The following ESR2 variants were observed in gnomAD, a reference collection of about 807,000 sequenced individuals.
The protein encoded by ESR2 is estrogen receptor beta.
In ESR2, 36 loss-of-function variants were observed where a neutral mutation model predicts 49.6. The ratio of observed to expected loss-of-function variants is 0.73; its 90% CI spans 0.56 to 0.96. The LOEUF (loss-of-function observed/expected upper bound fraction) is 0.96. ESR2 is among the 40% of genes least tolerant of loss of function. The pLI, the probability that ESR2 is intolerant of heterozygous loss-of-function variation, is 0.00. For synonymous variants in ESR2, 320 were observed against 266.1 expected, an observed-to-expected ratio of 1.20 and a Z score of -1.97; for missense variants, 714 against 693.0, an observed-to-expected ratio of 1.03 and a Z score of -0.34.
rs551895531 is a variant in ESR2 at position 64,240,871 on chromosome 14, G to A, written c.1226-5721C>T. ...TTAAGATAGGCTAGGCTGGCCGGGC[G>A]CGGTGGCTCACGCTTGTAATCCCAG... On this transcript the variant is annotated intron_variant, in intron 7 of 8. Coordinates refer to ENST00000341099, the MANE Select transcript of ESR2 (RefSeq NM_001437.3). Among the ~76,000 whole-genome samples the A allele has an allele frequency of 2.1e-4, 32 of 152,110 alleles. No homozygotes were observed. The East Asian group carries it at 2.9e-3, about 14-fold the overall frequency.
At chr14:64,288,816 G>A (rs888189191) in intron 1 of ESR2, among the ~76,000 whole-genome samples, 3 of 151,340 alleles carry the variant, frequency 2.0e-5, no homozygotes, top group African/African-American at 4.9e-5. Flanking sequence ...GAGAAACCCA[G>A]TCTCTACTAA....
chr14:64,296,043 CAAAA>C (rs34335763), upstream of ESR2, among the ~76,000 whole-genome samples: 17,000 of 88,706 alleles, frequency 0.19, 1,050 homozygotes, highest in Middle Eastern at 0.31. Flanking sequence ...GACTCTGTCT[CAAAA>C]AAAAAAAAAA....
intron 1 of ESR2, among the ~76,000 whole-genome samples, chr14:64,293,396 C>G (rs1226602609): frequency 1.3e-5 from 2 of 152,224 alleles, no homozygotes; most frequent in Non-Finnish European, 2.9e-5. Context: ...GCTTTTTAAA[C>G]AGCGAGTAAA....
At chr14:64,227,546 G>A (rs141329819), downstream of ESR2, 25 of 1,614,064 alleles carry the variant, frequency 1.5e-5, no homozygotes, top group South Asian at 2.2e-4. Context: ...CTGCTCCATC[G>A]TTGCTTCAGG....
chr14:64,261,977 G>A (rs987911679), intron 4 of ESR2, among the ~76,000 whole-genome samples: 1 of 152,040 alleles, frequency 6.6e-6, no homozygotes, highest in African/African-American at 2.4e-5. Context: ...TCAATAGTTT[G>A]ACTGTTTTCT....
chr14:64,269,831 A>G (rs1454462511), intron 3 of ESR2, among the ~76,000 whole-genome samples: 1 of 152,202 alleles, frequency 6.6e-6, no homozygotes, highest in African/African-American at 2.4e-5. Flanking sequence ...TATGCAAGGA[A>G]GAGCTAAGAA....
intron 1 of ESR2, among the ~76,000 whole-genome samples, chr14:64,290,766 T>C (rs1392090158): frequency 6.6e-6 from 1 of 152,204 alleles, no homozygotes; most frequent in African/African-American, 2.4e-5. Flanking sequence ...ATTAGGAAGA[T>C]AAAACACTCC....
chr14:64,237,482 C>T (rs575478228), intron 7 of ESR2, among the ~76,000 whole-genome samples: 1 of 152,316 alleles, frequency 6.6e-6, no homozygotes, highest in South Asian at 2.1e-4. Flanking sequence ...ACTTCCGCTG[C>T]CATCAAGCAA....
At chr14:64,302,151 AT>A (rs1384991092) in intron 1 of ESR2, among the ~76,000 whole-genome samples, 29 of 135,216 alleles carry the variant, frequency 2.1e-4, no homozygotes, top group African/African-American at 5.5e-4. Flanking sequence ...TCACTTTTTT[AT>A]TTTTTATTTT....
intron 1 of ESR2, among the ~76,000 whole-genome samples, chr14:64,313,660 C>A (rs370694367): frequency 6.6e-6 from 1 of 151,506 alleles, no homozygotes; most frequent in Admixed American, 6.6e-5. Flanking sequence ...AAGGCTGAGG[C>A]GGGTGGATCA....
chr14:64,227,669 C>T, downstream of ESR2: 1 of 1,612,668 alleles, frequency 6.2e-7, no homozygotes, highest in Non-Finnish European at 8.5e-7. Flanking sequence ...GTGTGGTCTG[C>T]ATTTCAAAGC....
rs1596360151 is a variant in ESR2 at position 64,232,479 on chromosome 14, C to G, written c.*658G>C. 6.6e-6 allele frequency: 1 copy of G among 152,388 alleles called. No homozygotes were observed. The highest frequency in any genetic ancestry group is 1.9e-4 in the East Asian group (1 of 5,188). 9.4% of individuals were successfully genotyped at this position (152,388 alleles called of 1,614,324 possible). ...ACACATACCCCAAATTATTGGCAGG[C>G]TCTGTGAATACAAATCGAGAGGGAC... On this transcript the variant is annotated 3_prime_UTR_variant, in exon 9 of 9. Coordinates refer to ENST00000341099, the MANE Select transcript of ESR2 (RefSeq NM_001437.3).
chr14:64,283,515 T>C (rs6573552), intron 1 of ESR2, among the ~76,000 whole-genome samples: 75,063 of 151,660 alleles, frequency 0.49, 19,047 homozygotes, highest in African/African-American at 0.55. Context: ...TCCCAATACT[T>C]TGGGAGGCTG....
chr14:64,285,090 T>C (rs1387875424), intron 1 of ESR2, among the ~76,000 whole-genome samples: 1 of 151,328 alleles, frequency 6.6e-6, no homozygotes, highest in African/African-American at 2.4e-5. Flanking sequence ...ACCTTGTGAT[T>C]TGCCCGCCTC....
In ESR2 at chr14:64,231,851, AGTT is replaced by A. The variant is rs1157370818; in HGVS notation, c.*1283_*1285del. 1.3e-5 allele frequency: 2 copies of A among 152,194 alleles called. No homozygotes were observed. The highest frequency in any genetic ancestry group is 2.9e-5 in the Non-Finnish European group (2 of 68,030). The allele number at this position is 152,194 out of a possible 1,614,324, so 9.4% of individuals were successfully genotyped here. ...TCACATCTTTTAAAAGGTGAGTTAA[AGTT>A]GTCATTTCAGAGGTGCCCTTCTTCA... On this transcript the variant is annotated 3_prime_UTR_variant, in exon 9 of 9. Transcript: ENST00000341099.
chr14:64,240,719 G>A (rs563392905), intron 7 of ESR2, among the ~76,000 whole-genome samples: 61 of 152,060 alleles, frequency 4.0e-4, no homozygotes, highest in East Asian at 2.5e-3. Context: ...GTGTTTTTTC[G>A]TTTTTCAGTA....
At chr14:64,272,860 T>G (rs2076478195) in intron 3 of ESR2, among the ~76,000 whole-genome samples, 1 of 152,206 alleles carries the variant, frequency 6.6e-6, no homozygotes, top group Non-Finnish European at 1.5e-5. Context: ...GGATCTTTTG[T>G]GGTTCCATAC....
rs34313437 is a variant in ESR2, at chr14:64,230,197, CAAAA to C, written c.*2936_*2939del. ...GAGCAACAGGAGTCAGACCCTGTCTCAAAAAAAAAAAAAAAAAGGTGTCAAATCT... is the reference window on the plus strand; with the variant it reads ...GAGCAACAGGAGTCAGACCCTGTCTCAAAAAAAAAAAAAGGTGTCAAATCT... On this transcript the variant is annotated 3_prime_UTR_variant, in exon 9 of 9. Transcript: ENST00000341099. Among the ~76,000 whole-genome samples, 12 of 110,324 alleles carry C rather than the reference CAAAA, an allele frequency of 1.1e-4. No homozygotes were observed. The highest frequency in any genetic ancestry group is 9.7e-4 in the East Asian group (3 of 3,108). The allele number at this position is 110,324 out of a possible 152,430, so 72.4% of individuals were successfully genotyped here.
intron 1 of ESR2, among the ~76,000 whole-genome samples, chr14:64,320,269 G>T (rs982651450): frequency 1.3e-5 from 2 of 152,112 alleles, no homozygotes; most frequent in African/African-American, 4.8e-5. Flanking sequence ...AACTACGGAG[G>T]TAGTAAAAAG....
Sources: gnomAD v4.1 joint callset for allele counts (sites outside exome capture counted in the v4.1 genomes callset) on GRCh38, gnomAD v4.1.1 for gene constraint, MANE v1.5 for transcripts, NCBI Gene and HGNC (gene_info 2026-07-23, HGNC 2026-07-21) for gene names.